The following CTNND2 variants were observed in gnomAD, a reference collection of about 807,000 sequenced individuals.
CTNND2 encodes catenin delta 2, also known as catenin delta-2.
CTNND2 carries 22 observed loss-of-function variants against 144.4 expected under a neutral mutation model. That is an observed-to-expected ratio of 0.15 (90% CI 0.11 to 0.22). The LOEUF (loss-of-function observed/expected upper bound fraction) is 0.22, where lower values mean the gene tolerates loss of function less well. CTNND2 is among the 10% of genes least tolerant of loss of function. The pLI, the probability that CTNND2 is intolerant of heterozygous loss-of-function variation, is 1.00. For missense variants in CTNND2, 1,353 were observed against 1,618.8 expected (o/e 0.84, Z 2.82); for synonymous variants, 751 against 695.6 (o/e 1.08, Z -1.25).
intron 11 of CTNND2, among the ~76,000 whole-genome samples, chr5:11,186,299 A>G (rs1050221843): frequency 9.2e-5 from 14 of 152,216 alleles, no homozygotes; most frequent in African/African-American, 3.1e-4. Context: ...ACAAGGTTTC[A>G]TAGGGAAGTA....
In CTNND2 at chr5:11,643,318, T is replaced by G. The variant is rs181021559; in HGVS notation, c.175-78262A>C. ...GTTACATATGTATACATGTGCCATGTTGGTGTGCTGCACCCATTAACTCGT... is the reference window on the plus strand; with the variant it reads ...GTTACATATGTATACATGTGCCATGGTGGTGTGCTGCACCCATTAACTCGT... On this transcript the variant is annotated intron_variant, in intron 2 of 21. Coordinates refer to ENST00000304623, the MANE Select transcript of CTNND2 (RefSeq NM_001332.4). 1.6e-4 allele frequency among the ~76,000 whole-genome samples: 25 copies of G among 151,752 alleles called. No homozygotes were observed. The East Asian group carries it at 4.9e-3, about 29-fold the overall frequency.
chr5:11,549,112 T>C (rs1775525135), intron 3 of CTNND2, among the ~76,000 whole-genome samples: 1 of 152,148 alleles, frequency 6.6e-6, no homozygotes, highest in South Asian at 2.1e-4. Flanking sequence ...CTTAGGAGGG[T>C]TAGCTTGATA....
chr5:11,044,257 T>C (rs903100586), intron 16 of CTNND2, among the ~76,000 whole-genome samples: 5 of 152,180 alleles, frequency 3.3e-5, no homozygotes, highest in African/African-American at 1.2e-4. Flanking sequence ...TCAAGCCCGT[T>C]TGGCATGATC....
chr5:11,037,123 A>AAC (rs1744163278), intron 16 of CTNND2, among the ~76,000 whole-genome samples: 1 of 152,208 alleles, frequency 6.6e-6, no homozygotes. Context: ...TGGTAATCCA[A>AAC]ACACACATTG....
At chr5:11,724,706 A>G (rs761271699) in intron 2 of CTNND2, among the ~76,000 whole-genome samples, 2 of 152,204 alleles carry the variant, frequency 1.3e-5, no homozygotes, top group African/African-American at 4.8e-5. Flanking sequence ...TGTCAAAACT[A>G]TATGTGGAAT....
intron 2 of CTNND2, among the ~76,000 whole-genome samples, chr5:11,728,195 G>A (rs1351643079): frequency 3.9e-5 from 6 of 152,122 alleles, no homozygotes; most frequent in Admixed American, 3.9e-4. Flanking sequence ...AATGTCAGCT[G>A]GGCACGGTGG....
chr5:11,216,103 T>G (rs1368429916), intron 10 of CTNND2, among the ~76,000 whole-genome samples: 3 of 152,098 alleles, frequency 2.0e-5, no homozygotes, highest in Non-Finnish European at 4.4e-5. Flanking sequence ...GGAAGATAGC[T>G]CCACAGAGCA....
At chr5:11,316,348 C>T (rs1751472015) in intron 9 of CTNND2, among the ~76,000 whole-genome samples, 1 of 152,072 alleles carries the variant, frequency 6.6e-6, no homozygotes, top group African/African-American at 2.4e-5. Context: ...GCCTCAGCCT[C>T]CCGAGTAGCT....
chr5:11,491,657 G>A (rs929396625), intron 3 of CTNND2, among the ~76,000 whole-genome samples: 2 of 152,132 alleles, frequency 1.3e-5, no homozygotes, highest in African/African-American at 4.8e-5. Flanking sequence ...AGGAAGTTCT[G>A]GAATGACTGA....
chr5:11,252,455 T>C (rs1235429955), intron 9 of CTNND2, among the ~76,000 whole-genome samples: 1 of 152,130 alleles, frequency 6.6e-6, no homozygotes, highest in Non-Finnish European at 1.5e-5. Context: ...TACATAACAA[T>C]ATTCTACAAT....
chr5:11,328,059 T>C (rs575811401), intron 9 of CTNND2, among the ~76,000 whole-genome samples: 1 of 152,334 alleles, frequency 6.6e-6, no homozygotes, highest in African/African-American at 2.4e-5. Context: ...TCTTATTCTG[T>C]AGAAACCATT....
intron 2 of CTNND2, among the ~76,000 whole-genome samples, chr5:11,688,231 C>A (rs940870429): frequency 6.6e-6 from 1 of 152,088 alleles, no homozygotes; most frequent in South Asian, 2.1e-4. Context: ...GTCTCTGCCC[C>A]CAGAGGACAT....
intron 10 of CTNND2, among the ~76,000 whole-genome samples, chr5:11,231,797 T>C (rs1040499338): frequency 6.6e-6 from 1 of 152,178 alleles, no homozygotes; most frequent in Admixed American, 6.5e-5. Flanking sequence ...GGGAAAAATG[T>C]CTCCAGGGCA....
At chr5:11,560,251 C>T (rs1776579589) in intron 3 of CTNND2, among the ~76,000 whole-genome samples, 1 of 152,170 alleles carries the variant, frequency 6.6e-6, no homozygotes, top group Non-Finnish European at 1.5e-5. Flanking sequence ...CAGCATAAGT[C>T]TTCTAAGAGT....
intron 1 of CTNND2, among the ~76,000 whole-genome samples, chr5:11,773,266 C>G (rs1049569595): frequency 2.0e-5 from 3 of 152,136 alleles, no homozygotes; most frequent in Non-Finnish European, 4.4e-5. Flanking sequence ...CCAGGTCTTT[C>G]AGCTTTTCTG....
chr5:11,129,216 T>A (rs1755247159), intron 12 of CTNND2, among the ~76,000 whole-genome samples: 1 of 38,054 alleles, frequency 2.6e-5, no homozygotes, highest in Non-Finnish European at 4.6e-5. Flanking sequence ...TATTTATATA[T>A]TATATATAAA....
At chr5:11,575,384 T>C (rs1281017244) in intron 2 of CTNND2, among the ~76,000 whole-genome samples, 2 of 152,218 alleles carry the variant, frequency 1.3e-5, no homozygotes, top group Non-Finnish European at 2.9e-5. Context: ...ATCTAAAATA[T>C]GACATTAGAT....
intron 11 of CTNND2, among the ~76,000 whole-genome samples, chr5:11,185,793 CGTTATATAATTTGGT>C (rs1198706147): frequency 6.6e-6 from 1 of 152,132 alleles, no homozygotes; most frequent in Non-Finnish European, 1.5e-5. Flanking sequence ...GGGATGTAGA[CGTTATATAATTTGGT>C]GTTCTCCTCC....
intron 2 of CTNND2, among the ~76,000 whole-genome samples, chr5:11,593,353 C>T (rs1779352058): frequency 6.6e-6 from 1 of 152,140 alleles, no homozygotes; most frequent in Admixed American, 6.5e-5. Flanking sequence ...TGTAATATGA[C>T]ATTAATAGGC....
Sources: gnomAD v4.1 joint callset for allele counts (sites outside exome capture counted in the v4.1 genomes callset) on GRCh38, gnomAD v4.1.1 for gene constraint, MANE v1.5 for transcripts, NCBI Gene and HGNC (gene_info 2026-07-23, HGNC 2026-07-21) for gene names.